Variants in CADPS2 observed in about 807,000 individuals in gnomAD.
The protein encoded by CADPS2 is calcium-dependent secretion activator 2.
CADPS2 carries 93 observed loss-of-function variants against 172.5 expected under a neutral mutation model. The ratio of observed to expected loss-of-function variants is 0.54; its 90% confidence interval spans 0.46 to 0.64. The LOEUF (loss-of-function observed/expected upper bound fraction) is 0.64, where lower values mean the gene tolerates loss of function less well. Ranked by LOEUF, CADPS2 falls within the 30% of genes least tolerant of loss-of-function variation. The pLI, the probability that CADPS2 is intolerant of heterozygous loss-of-function variation, is 0.00. For synonymous variants in CADPS2, 546 were observed against 555.2 expected (o/e 0.98, Z 0.23); for missense variants, 1,420 against 1,565.9 (o/e 0.91, Z 1.57).
intron 15 of CADPS2, among the ~76,000 whole-genome samples, chr7:122,446,280 AG>A (rs2052186643): frequency 6.6e-6 from 1 of 152,110 alleles, no homozygotes; most frequent in Non-Finnish European, 1.5e-5. Context: ...TTTTTTCACC[AG>A]ATGCTGGAGA....
At chr7:122,873,513 T>C (rs1820377690) in intron 1 of CADPS2, among the ~76,000 whole-genome samples, 1 of 152,262 alleles carries the variant, frequency 6.6e-6, no homozygotes, top group African/African-American at 2.4e-5. Context: ...TCCTTTGTTA[T>C]GGCTGCATAG....
chr7:122,453,613 T>A (rs987506738), intron 14 of CADPS2, among the ~76,000 whole-genome samples: 2 of 152,204 alleles, frequency 1.3e-5, no homozygotes, highest in South Asian at 4.1e-4. Flanking sequence ...ATAACTTATC[T>A]TCATCATTCT....
intron 19 of CADPS2, among the ~76,000 whole-genome samples, chr7:122,408,703 T>C (rs976727379): frequency 6.6e-5 from 10 of 152,304 alleles, no homozygotes; most frequent in African/African-American, 2.4e-4. Flanking sequence ...CTGAGATTAC[T>C]GGTGTAAGCC....
intron 9 of CADPS2, among the ~76,000 whole-genome samples, chr7:122,494,893 T>A (rs1173208466): frequency 6.6e-6 from 1 of 151,770 alleles, no homozygotes; most frequent in Non-Finnish European, 1.5e-5. Context: ...TTTTTTTTTT[T>A]ATTTTTTGGT....
At chr7:122,484,153 A>G (rs959115778) in intron 11 of CADPS2, among the ~76,000 whole-genome samples, 7 of 152,224 alleles carry the variant, frequency 4.6e-5, no homozygotes, top group African/African-American at 7.2e-5. Flanking sequence ...TGTCAATTAA[A>G]AGTGAATAAA....
chr7:122,420,592 C>T (rs532604387), intron 17 of CADPS2, among the ~76,000 whole-genome samples: 2 of 152,328 alleles, frequency 1.3e-5, no homozygotes, highest in African/African-American at 4.8e-5. Flanking sequence ...AAAAGCCGAA[C>T]ATTGGGAATA....
At chr7:122,869,429 T>A (rs556440250) in intron 1 of CADPS2, among the ~76,000 whole-genome samples, 1 of 152,012 alleles carries the variant, frequency 6.6e-6, no homozygotes, top group African/African-American at 2.4e-5. Flanking sequence ...GATAATATAT[T>A]CAAAGAGCTA....
chr7:122,696,698 T>C (rs2085160473), intron 2 of CADPS2, among the ~76,000 whole-genome samples: 1 of 152,206 alleles, frequency 6.6e-6, no homozygotes, highest in Non-Finnish European at 1.5e-5. Flanking sequence ...TGAACTGTAA[T>C]AATAAATTCT....
intron 7 of CADPS2, among the ~76,000 whole-genome samples, chr7:122,555,061 G>A (rs2064860657): frequency 6.6e-6 from 1 of 151,926 alleles, no homozygotes; most frequent in Admixed American, 6.6e-5. Context: ...TTGACATTAT[G>A]GATAACATGC....
At chr7:122,423,924 C>T (rs371749186) in intron 17 of CADPS2, among the ~76,000 whole-genome samples, 16 of 152,192 alleles carry the variant, frequency 1.1e-4, no homozygotes, top group South Asian at 4.1e-4. Flanking sequence ...AGGTGACCTA[C>T]GTAAACTTTG....
At position 122,777,527 on chromosome 7, in the gene CADPS2, G is replaced by T. The variant is rs1456014401; in HGVS notation, c.340-40459C>A. Among the ~76,000 whole-genome samples, 3 of 152,170 alleles carry T rather than the reference G, an allele frequency of 2.0e-5. No homozygotes were observed. In the South Asian group the frequency reaches 6.2e-4, roughly 32 times the overall value. ...AAGGTGACTGATACAGTTTGGCTAT[G>T]TCCCCACCCAAATGTCATCTTGAAC... On this transcript the variant is annotated intron_variant, in intron 1 of 29. Coordinates refer to ENST00000449022, the MANE Select transcript of CADPS2 (RefSeq NM_017954.11).
chr7:122,817,973 G>T (rs1376470550), intron 1 of CADPS2, among the ~76,000 whole-genome samples: 1 of 132,216 alleles, frequency 7.6e-6, no homozygotes, highest in Admixed American at 8.1e-5. Flanking sequence ...TCCGTGCCCT[G>T]ACCCCTTATT....
intron 6 of CADPS2, among the ~76,000 whole-genome samples, chr7:122,602,791 A>C (rs2072985965): frequency 6.6e-6 from 1 of 152,116 alleles, no homozygotes; most frequent in South Asian, 2.1e-4. Flanking sequence ...ATTTCCCTGT[A>C]TCTGAAAGAA....
chr7:122,546,564 C>T (rs150502790), intron 8 of CADPS2, among the ~76,000 whole-genome samples: 47 of 152,000 alleles, frequency 3.1e-4, no homozygotes, highest in African/African-American at 1.0e-3. Context: ...AAGCTTTTTC[C>T]TTCCTTTTTT....
Position 122,886,137 on chromosome 7 carries a change from C to G in CADPS2, c.201G>C (p.Gly67=). 1 of 1,553,148 alleles carries G rather than the reference C, an allele frequency of 6.4e-7. No homozygotes were observed. The highest frequency in any genetic ancestry group is 8.7e-7 in the Non-Finnish European group (1 of 1,149,132). Residue 67 remains glycine, a synonymous_variant, in exon 1 of 30, where the codon GGG becomes GGC. Coordinates refer to ENST00000449022, the MANE Select transcript of CADPS2 (RefSeq NM_017954.11). ...VSPSPSVLSE[G]RDEPQRQLDD... The stretch of plus-strand genomic sequence containing the variant: ...CCAGCTGCCGCTGGGGCTCGTCTCG[C>G]CCCTCGCTGAGCACAGAGGGGCTCG...
chr7:122,756,225 A>AATAT (rs33914995), intron 1 of CADPS2, among the ~76,000 whole-genome samples: 2 of 152,064 alleles, frequency 1.3e-5, no homozygotes, highest in African/African-American at 4.8e-5. Flanking sequence ...GGACTTAATT[A>AATAT]ATATATATAT....
intron 1 of CADPS2, among the ~76,000 whole-genome samples, chr7:122,760,422 C>T (rs1182127541): frequency 1.3e-5 from 2 of 151,964 alleles, no homozygotes; most frequent in African/African-American, 4.8e-5. Flanking sequence ...ATTTTTAAGA[C>T]ACACTATAAT....
chr7:122,397,883 A>C (rs2045373361), intron 20 of CADPS2, among the ~76,000 whole-genome samples: 1 of 152,160 alleles, frequency 6.6e-6, no homozygotes, highest in African/African-American at 2.4e-5. Context: ...GGCTGCTCAG[A>C]ATGAGTCTCA....
At chr7:122,630,152 A>C (rs2076437775) in intron 3 of CADPS2, among the ~76,000 whole-genome samples, 1 of 152,154 alleles carries the variant, frequency 6.6e-6, no homozygotes, top group South Asian at 2.1e-4. Context: ...CATCACGAAG[A>C]AGCCTGGACT....
Sources: gnomAD v4.1 joint callset for allele counts (sites outside exome capture counted in the v4.1 genomes callset) on GRCh38, gnomAD v4.1.1 for gene constraint, MANE v1.5 for transcripts, NCBI Gene and HGNC (gene_info 2026-07-23, HGNC 2026-07-21) for gene names.